Variants in FBXL17 observed in about 807,000 individuals in gnomAD.
The protein encoded by FBXL17 is F-box/LRR-repeat protein 17.
A neutral mutation model predicts 66.2 loss-of-function variants in FBXL17; 22 were observed. The observed-to-expected ratio is 0.33, with a 90% CI of 0.24 to 0.47. The LOEUF is 0.47. FBXL17 is among the 20% of genes least tolerant of loss of function. The probability of loss-of-function intolerance (pLI) is 1.00; values close to 1 mark genes in which losing one functional copy is unlikely to be tolerated. For missense variants in FBXL17, 878 were observed against 948.2 expected, an observed-to-expected ratio of 0.93 and a Z score of 0.97; for synonymous variants, 474 against 400.5, an observed-to-expected ratio of 1.18 and a Z score of -2.19.
chr5:107,971,123 ATTACATTTGC>A (rs1752355798), intron 7 of FBXL17, among the ~76,000 whole-genome samples: 1 of 152,206 alleles, frequency 6.6e-6, no homozygotes, highest in Non-Finnish European at 1.5e-5. Context: ...CATAATGCAA[ATTACATTTGC>A]TTACCGTTTC....
At position 108,015,037 on chromosome 5, in the gene FBXL17, T is replaced by C. The variant is rs112003202; in HGVS notation, c.1822+5888A>G. The stretch of plus-strand genomic sequence containing the variant: ...TCTCTCCCACAACACATGGAAATTA[T>C]GGGAGCTACAATTCAAGATGAGATT... On this transcript the variant is annotated intron_variant, in intron 7 of 8. Coordinates refer to ENST00000542267, the MANE Select transcript of FBXL17 (RefSeq NM_001163315.3). Among the ~76,000 whole-genome samples the C allele has an allele frequency of 6.9e-3, 1,046 of 152,256 alleles. 10 individuals are homozygous for C. The highest frequency in any genetic ancestry group is 0.023 in the African/African-American group (947 of 41,550).
At chr5:108,246,260 G>A (rs1241735222) in intron 4 of FBXL17, among the ~76,000 whole-genome samples, 1 of 152,188 alleles carries the variant, frequency 6.6e-6, no homozygotes, top group East Asian at 1.9e-4. Context: ...CAACACTTTG[G>A]GAGGCCAAGG....
chr5:108,324,020 GAATTTGGC>G (rs776320068), intron 4 of FBXL17, among the ~76,000 whole-genome samples: 11 of 152,060 alleles, frequency 7.2e-5, no homozygotes, highest in Middle Eastern at 6.8e-3. Context: ...TTACAACGTT[GAATTTGGC>G]AATATTTCTA....
At chr5:108,201,919 A>T (rs2150050025) in intron 5 of FBXL17, among the ~76,000 whole-genome samples, 1 of 152,050 alleles carries the variant, frequency 6.6e-6, no homozygotes, top group African/African-American at 2.4e-5. Flanking sequence ...GACTGACCTC[A>T]TGTGTTAGAG....
At chr5:107,885,280 G>A (rs1748924803) in intron 7 of FBXL17, among the ~76,000 whole-genome samples, 1 of 152,186 alleles carries the variant, frequency 6.6e-6, no homozygotes, top group South Asian at 2.1e-4. Context: ...TCAGTAACTT[G>A]TGTGTTGATG....
intron 6 of FBXL17, among the ~76,000 whole-genome samples, chr5:108,058,341 T>C (rs1397942367): frequency 6.6e-6 from 1 of 152,226 alleles, no homozygotes; most frequent in African/African-American, 2.4e-5. Flanking sequence ...TTAGAAATAA[T>C]TTCAAAGCCA....
intron 4 of FBXL17, among the ~76,000 whole-genome samples, chr5:108,230,281 G>A (rs542234012): frequency 6.6e-6 from 1 of 152,242 alleles, no homozygotes; most frequent in African/African-American, 2.4e-5. Flanking sequence ...GCATGTTTAT[G>A]GAAACACAAT....
At chr5:107,990,685 T>C (rs2112691416) in intron 7 of FBXL17, among the ~76,000 whole-genome samples, 1 of 152,312 alleles carries the variant, frequency 6.6e-6, no homozygotes, top group African/African-American at 2.4e-5. Flanking sequence ...TAAATATTAG[T>C]TACTATTATG....
intron 7 of FBXL17, among the ~76,000 whole-genome samples, chr5:107,939,672 T>C (rs986791748): frequency 1.3e-5 from 2 of 152,172 alleles, no homozygotes; most frequent in East Asian, 1.9e-4. Context: ...ATTTCAATCA[T>C]TGTATAGAAT....
At chr5:108,328,194 T>C (rs900938118) in intron 4 of FBXL17, among the ~76,000 whole-genome samples, 1 of 152,126 alleles carries the variant, frequency 6.6e-6, no homozygotes, top group Non-Finnish European at 1.5e-5. Context: ...TGCTCACTAA[T>C]GATATGACCA....
Position 108,372,505 on chromosome 5 carries a change from C to A in FBXL17, c.994-4552G>T, listed in dbSNP as rs73216352. On this transcript the variant is annotated intron_variant, in intron 1 of 8. Transcript: ENST00000542267. ...TAATCAAATTGTTGAAAGACAAAAA[C>A]CGAGAGAACCCTGAAAGCAGCAAGA... Among the ~76,000 whole-genome samples the A allele has an allele frequency of 6.9e-3, 1,053 of 152,122 alleles. 15 individuals are homozygous for A. The highest frequency in any genetic ancestry group is 0.024 in the African/African-American group (998 of 41,500).
intron 7 of FBXL17, among the ~76,000 whole-genome samples, chr5:107,902,530 C>A (rs772511911): frequency 1.3e-5 from 2 of 151,986 alleles, no homozygotes; most frequent in African/African-American, 4.8e-5. Context: ...GTAGGAGTTG[C>A]GGCGGTCAAA....
intron 7 of FBXL17, among the ~76,000 whole-genome samples, chr5:107,927,638 C>T (rs1235388283): frequency 6.6e-6 from 1 of 152,136 alleles, no homozygotes; most frequent in Admixed American, 6.6e-5. Context: ...AGCCTATTAT[C>T]TATCACAAGA....
At chr5:107,902,783 A>G (rs1001773598) in intron 7 of FBXL17, among the ~76,000 whole-genome samples, 1 of 152,026 alleles carries the variant, frequency 6.6e-6, no homozygotes, top group Non-Finnish European at 1.5e-5. Context: ...GATTTTATGC[A>G]TGCACTTTGT....
intron 4 of FBXL17, among the ~76,000 whole-genome samples, chr5:108,338,642 T>C (rs1561537931): frequency 1.3e-5 from 2 of 152,038 alleles, no homozygotes; most frequent in East Asian, 1.9e-4. Context: ...ACAACTAAGA[T>C]GCAAGAGAAG....
intron 4 of FBXL17, among the ~76,000 whole-genome samples, chr5:108,266,152 T>A (rs558518130): frequency 1.6e-4 from 25 of 152,242 alleles, no homozygotes; most frequent in African/African-American, 6.0e-4. Flanking sequence ...GGAAATCTCA[T>A]AATGCAACTG....
At chr5:108,024,574 T>C (rs1188895737) in intron 6 of FBXL17, among the ~76,000 whole-genome samples, 1 of 152,152 alleles carries the variant, frequency 6.6e-6, no homozygotes, top group East Asian at 1.9e-4. Flanking sequence ...GCTTTTATGT[T>C]TTGGCAGGGG....
chr5:108,284,473 G>C (rs146794601), intron 4 of FBXL17, among the ~76,000 whole-genome samples: 2 of 151,722 alleles, frequency 1.3e-5, no homozygotes, highest in Admixed American at 1.3e-4. Context: ...TCACATATTC[G>C]TATTCCTAAG....
intron 6 of FBXL17, among the ~76,000 whole-genome samples, chr5:108,184,955 T>C (rs917924712): frequency 6.6e-6 from 1 of 152,162 alleles, no homozygotes; most frequent in African/African-American, 2.4e-5. Flanking sequence ...GCAAGAATCC[T>C]CTCATGCTCA....
Sources: gnomAD v4.1 joint callset for allele counts (sites outside exome capture counted in the v4.1 genomes callset) on GRCh38, gnomAD v4.1.1 for gene constraint, MANE v1.5 for transcripts, NCBI Gene and HGNC (gene_info 2026-07-23, HGNC 2026-07-21) for gene names.